SLCO5A1: variants seen among roughly 807,000 people sequenced by gnomAD.
The protein encoded by SLCO5A1 is solute carrier organic anion transporter family member 5A1, also known as organic anion transporter polypeptide-related protein 4.
SLCO5A1 carries 39 observed loss-of-function variants against 65.1 expected under a neutral mutation model. The ratio of observed to expected loss-of-function variants is 0.60; its 90% CI spans 0.46 to 0.78. The LOEUF is 0.78. Among genes scored for constraint, SLCO5A1 ranks in the 30% least tolerant of loss-of-function variants. SLCO5A1 has a pLI of 0.00. For missense variants in SLCO5A1, 1,029 were observed against 1,069.4 expected (o/e 0.96, Z 0.53); for synonymous variants, 438 against 415.7 (o/e 1.05, Z -0.65).
At chr8:69,797,751 C>G (rs1008889309) in intron 2 of SLCO5A1, among the ~76,000 whole-genome samples, 30 of 152,206 alleles carry the variant, frequency 2.0e-4, no homozygotes, top group Admixed American at 2.0e-4. Context: ...GACTGGTTGT[C>G]TGCTCTCAAA....
chr8:69,782,185 A>G (rs899519087), intron 2 of SLCO5A1, among the ~76,000 whole-genome samples: 2 of 152,160 alleles, frequency 1.3e-5, no homozygotes, highest in Non-Finnish European at 2.9e-5. Context: ...ATATCTACGT[A>G]ACAAACCTGC....
At chr8:69,695,948 A>T (rs1357321376) in intron 6 of SLCO5A1, among the ~76,000 whole-genome samples, 1 of 152,264 alleles carries the variant, frequency 6.6e-6, no homozygotes, top group East Asian at 1.9e-4. Flanking sequence ...AAAAATAAAA[A>T]CAGAGCCACC....
At chr8:69,736,165 G>A (rs1322482602) in intron 5 of SLCO5A1, among the ~76,000 whole-genome samples, 1 of 152,234 alleles carries the variant, frequency 6.6e-6, no homozygotes, top group African/African-American at 2.4e-5. Flanking sequence ...AACACTGTGA[G>A]TTAGCCTTAT....
intron 6 of SLCO5A1, among the ~76,000 whole-genome samples, chr8:69,689,960 C>T (rs1362680400): frequency 1.3e-5 from 2 of 152,190 alleles, no homozygotes; most frequent in Non-Finnish European, 2.9e-5. Flanking sequence ...ATTGATTCTT[C>T]CTACTCATGA....
chr8:69,675,262 C>T (rs932411289), intron 9 of SLCO5A1, among the ~76,000 whole-genome samples: 3 of 151,310 alleles, frequency 2.0e-5, no homozygotes, highest in Non-Finnish European at 1.5e-5. Context: ...GCAACCTCCG[C>T]CTCCCAGGTT....
At chr8:69,762,777 T>C (rs1297857959) in intron 2 of SLCO5A1, among the ~76,000 whole-genome samples, 3 of 152,196 alleles carry the variant, frequency 2.0e-5, no homozygotes, top group Non-Finnish European at 4.4e-5. Flanking sequence ...CAAACCACCA[T>C]GTTAGAATTA....
At chr8:69,703,749 G>A (rs147977557) in intron 6 of SLCO5A1, among the ~76,000 whole-genome samples, 1 of 151,978 alleles carries the variant, frequency 6.6e-6, no homozygotes, top group African/African-American at 2.4e-5. Context: ...AAATTCTAAG[G>A]GATTTTGTCA....
At chr8:69,744,179 T>C (rs551235850) in intron 4 of SLCO5A1, among the ~76,000 whole-genome samples, 10 of 152,138 alleles carry the variant, frequency 6.6e-5, no homozygotes, top group Admixed American at 1.3e-4. Context: ...AAACTTTGTT[T>C]TAATGATATA....
At chr8:69,822,017 T>C (rs752336889) in intron 2 of SLCO5A1, among the ~76,000 whole-genome samples, 1 of 151,538 alleles carries the variant, frequency 6.6e-6, no homozygotes, top group Non-Finnish European at 1.5e-5. Flanking sequence ...TCCCAGCTAC[T>C]TGGGAGGCTG....
intron 2 of SLCO5A1, among the ~76,000 whole-genome samples, chr8:69,826,368 C>T (rs1479164705): frequency 1.3e-4 from 19 of 151,774 alleles, no homozygotes; most frequent in East Asian, 1.9e-4. Flanking sequence ...AGAAAATTTT[C>T]GCAACCTACT....
At chr8:69,825,060 T>A (rs1190761571) in intron 2 of SLCO5A1, among the ~76,000 whole-genome samples, 1 of 152,174 alleles carries the variant, frequency 6.6e-6, no homozygotes, top group African/African-American at 2.4e-5. Context: ...AGAAAAGGCC[T>A]TTGACAAAAT....
intron 6 of SLCO5A1, among the ~76,000 whole-genome samples, chr8:69,689,661 T>C (rs887654749): frequency 2.8e-5 from 4 of 142,382 alleles, no homozygotes; most frequent in African/African-American, 1.1e-4. Context: ...ATATGCGGCG[T>C]TATTTCTGAG....
chr8:69,807,853 G>A (rs550968686), intron 2 of SLCO5A1, among the ~76,000 whole-genome samples: 6 of 152,114 alleles, frequency 3.9e-5, no homozygotes, highest in South Asian at 2.1e-4. Context: ...ACAGGCACTC[G>A]CCACCACGCC....
intron 4 of SLCO5A1, among the ~76,000 whole-genome samples, 180 bp from the exon 5 acceptor site, chr8:69,738,384 GT>G (rs35273615): frequency 0.011 from 1,643 of 143,282 alleles, 10 homozygotes; most frequent in East Asian, 0.019. Context: ...ATTTTCTTTT[GT>G]TTTTTTTTTT....
intron 9 of SLCO5A1, among the ~76,000 whole-genome samples, chr8:69,674,484 A>G (rs1813466357): frequency 6.6e-6 from 1 of 152,218 alleles, no homozygotes; most frequent in Admixed American, 6.5e-5. Flanking sequence ...TAAAGTTTTT[A>G]AAACTCTTTT....
chr8:69,792,984 T>C (rs1819335575), intron 2 of SLCO5A1, among the ~76,000 whole-genome samples: 2 of 152,104 alleles, frequency 1.3e-5, no homozygotes, highest in African/African-American at 2.4e-5. Flanking sequence ...TTTTGTTTTT[T>C]GTTTTTTGTT....
chr8:69,725,460 G>GATGGATGT (rs1816018878), intron 5 of SLCO5A1, among the ~76,000 whole-genome samples: 1 of 150,360 alleles, frequency 6.7e-6, no homozygotes, highest in Non-Finnish European at 1.5e-5. Context: ...AAAGAATAAA[G>GATGGATGT]ATGTATGTAT....
At chr8:69,817,228 A>G (rs1586831353) in intron 2 of SLCO5A1, among the ~76,000 whole-genome samples, 1 of 152,198 alleles carries the variant, frequency 6.6e-6, no homozygotes, top group Non-Finnish European at 1.5e-5. Flanking sequence ...ACTCTCATAT[A>G]AGTGGAACTA....
intron 9 of SLCO5A1, among the ~76,000 whole-genome samples, chr8:69,676,129 T>G (rs1813536548): frequency 6.6e-6 from 1 of 152,260 alleles, no homozygotes; most frequent in Middle Eastern, 3.4e-3. Flanking sequence ...TGGAGACCTT[T>G]CTTTTCCTTT....
Sources: allele counts gnomAD v4.1 joint callset (sites outside exome capture counted in the v4.1 genomes callset), GRCh38; gene constraint gnomAD v4.1.1; transcripts MANE v1.5; gene names NCBI Gene and HGNC (gene_info 2026-07-23, HGNC 2026-07-21).